SPAG16: variants seen among roughly 807,000 people sequenced by gnomAD.
SPAG16 encodes sperm associated antigen 16.
A neutral mutation model predicts 80.4 loss-of-function variants in SPAG16; 86 were observed. That is an observed-to-expected ratio of 1.07 (90% CI 0.90 to 1.28). The LOEUF is 1.28. Ranked by LOEUF, SPAG16 falls within the 50% of genes most tolerant of loss-of-function variation. The probability of loss-of-function intolerance (pLI) is 0.00; values close to 1 mark genes in which losing one functional copy is unlikely to be tolerated. For missense variants in SPAG16, 870 were observed against 765.3 expected, an observed-to-expected ratio of 1.14 and a Z score of -1.61; for synonymous variants, 294 against 265.9, an observed-to-expected ratio of 1.11 and a Z score of -1.03.
At chr2:213,922,416 C>T (rs1386845421) in intron 11 of SPAG16, among the ~76,000 whole-genome samples, 1 of 152,124 alleles carries the variant, frequency 6.6e-6, no homozygotes, top group African/African-American at 2.4e-5. Context: ...TTTTGACTAT[C>T]AGCTCCTGTA....
chr2:214,178,260 GC>G (rs1386098830), intron 15 of SPAG16, among the ~76,000 whole-genome samples: 1 of 150,506 alleles, frequency 6.6e-6, no homozygotes, highest in Non-Finnish European at 1.5e-5. Context: ...CAAACACTGT[GC>G]TATATTTTTA....
intron 15 of SPAG16, among the ~76,000 whole-genome samples, chr2:214,153,435 T>C (rs1293303551): frequency 1.3e-5 from 2 of 152,192 alleles, no homozygotes; most frequent in Non-Finnish European, 2.9e-5. Context: ...ATCTAAGATC[T>C]ATATCTGGTA....
At chr2:213,655,599 A>C (rs1407902472) in intron 10 of SPAG16, among the ~76,000 whole-genome samples, 1 of 152,162 alleles carries the variant, frequency 6.6e-6, no homozygotes, top group East Asian at 1.9e-4. Context: ...TAACTGAATA[A>C]GGGGCTTCTG....
At chr2:213,664,115 G>C (rs2063518151) in intron 10 of SPAG16, among the ~76,000 whole-genome samples, 1 of 151,988 alleles carries the variant, frequency 6.6e-6, no homozygotes, top group South Asian at 2.1e-4. Flanking sequence ...TTGGCTTATA[G>C]TCCCTGTCAT....
At chr2:214,330,325 C>G (rs1696827630) in intron 15 of SPAG16, among the ~76,000 whole-genome samples, 2 of 150,744 alleles carry the variant, frequency 1.3e-5, no homozygotes, top group South Asian at 2.1e-4. Flanking sequence ...TGGCACGGCA[C>G]AAACACAGCT....
intron 14 of SPAG16, among the ~76,000 whole-genome samples, chr2:214,134,424 T>C (rs1191332479): frequency 6.6e-6 from 1 of 152,246 alleles, no homozygotes; most frequent in Non-Finnish European, 1.5e-5. Flanking sequence ...TCTACATTTT[T>C]AAAAATTCTC....
intron 13 of SPAG16, among the ~76,000 whole-genome samples, chr2:214,074,711 T>C (rs1415059931): frequency 1.3e-5 from 2 of 151,986 alleles, no homozygotes; most frequent in Non-Finnish European, 2.9e-5. Flanking sequence ...CAGTTTTCAA[T>C]TAAAAAACAG....
At chr2:213,524,683 A>C (rs914536302) in intron 10 of SPAG16, among the ~76,000 whole-genome samples, 1 of 152,366 alleles carries the variant, frequency 6.6e-6, no homozygotes. Flanking sequence ...TCGGACTTGC[A>C]TGGGGCATGT....
chr2:214,246,755 T>C (rs1430933470), intron 15 of SPAG16, among the ~76,000 whole-genome samples: 2 of 150,662 alleles, frequency 1.3e-5, no homozygotes, highest in African/African-American at 2.5e-5. Flanking sequence ...TTAAATATAA[T>C]AGAATACTTT....
intron 12 of SPAG16, among the ~76,000 whole-genome samples, chr2:213,951,401 A>G (rs1332377727): frequency 6.6e-6 from 1 of 152,220 alleles, no homozygotes; most frequent in African/African-American, 2.4e-5. Context: ...ATTCAGAGTC[A>G]TAATAGTAAC....
chr2:213,626,051 C>T (rs999717312), intron 10 of SPAG16, among the ~76,000 whole-genome samples: 4 of 151,842 alleles, frequency 2.6e-5, no homozygotes, highest in Non-Finnish European at 1.5e-5. Context: ...TGGAGTTTGT[C>T]CTTTTATATG....
rs561850832 is a variant in SPAG16 at position 213,297,272 on chromosome 2, A to G, written c.194A>G (p.Asp65Gly). The G allele has an allele frequency of 7.4e-6, 12 of 1,611,352 alleles. No homozygotes were observed. In the East Asian group the frequency reaches 1.1e-4, roughly 15 times the overall value. The change falls in exon 3 of 16, where the codon GAC (aspartate) becomes GGC (glycine). Residue 65 changes from aspartate to glycine, a missense_variant. Physicochemically the swap from Asp to Gly is moderately conservative, Grantham distance 94 (BLOSUM62 -1). Coordinates refer to ENST00000331683, the MANE Select transcript of SPAG16 (RefSeq NM_024532.5). ...TTCTCTGTGATCTAGATACCAGATG[A>G]CAATTTTAGCATCCCAGAAGGTGAA... Reference protein sequence around the residue: ...DDYEYEEIPDDNFSIPEGEED... With the variant: ...DDYEYEEIPDGNFSIPEGEED...
chr2:213,402,695 C>T (rs1031662990), intron 9 of SPAG16, among the ~76,000 whole-genome samples: 33 of 151,942 alleles, frequency 2.2e-4, no homozygotes, highest in Non-Finnish European at 4.1e-4. Context: ...TCTGTCCTTG[C>T]GATAGTTTAC....
rs545140640 is a variant in SPAG16 at position 214,012,218 on chromosome 2, G to GTA, written c.1401-1724_1401-1723dup. ...GATTAACTATCTGATTTATACATAT[G>GTA]TATATATATACTTACTTATATATAT... On this transcript the variant is annotated intron_variant, in intron 12 of 15. Transcript: ENST00000331683. 4.1e-3 allele frequency among the ~76,000 whole-genome samples: 462 copies of GTA among 111,834 alleles called. 2 individuals are homozygous for GTA. The highest frequency in any genetic ancestry group is 0.014 in the African/African-American group (446 of 30,868). 73.4% of individuals were successfully genotyped at this position (111,834 alleles called of 152,430 possible).
chr2:213,416,042 G>C (rs2069235302), intron 9 of SPAG16, among the ~76,000 whole-genome samples: 1 of 152,226 alleles, frequency 6.6e-6, no homozygotes, highest in Non-Finnish European at 1.5e-5. Context: ...GGAATCAGTA[G>C]AAGGCCAGAA....
chr2:213,732,076 T>G (rs2067070776), intron 10 of SPAG16, among the ~76,000 whole-genome samples: 1 of 152,240 alleles, frequency 6.6e-6, no homozygotes, highest in South Asian at 2.1e-4. Flanking sequence ...TTATCCATCT[T>G]GAGTTGATTT....
chr2:213,457,268 T>C (rs751435487), intron 9 of SPAG16, among the ~76,000 whole-genome samples: 12 of 152,192 alleles, frequency 7.9e-5, no homozygotes, highest in Non-Finnish European at 1.5e-4. Flanking sequence ...AGCATTTTTT[T>C]CTCAGGTTGC....
At chr2:214,004,649 G>A (rs2046947469) in intron 12 of SPAG16, among the ~76,000 whole-genome samples, 1 of 152,074 alleles carries the variant, frequency 6.6e-6, no homozygotes, top group African/African-American at 2.4e-5. Flanking sequence ...TCAGGTGTGG[G>A]CTGGAGTAGT....
intron 15 of SPAG16, among the ~76,000 whole-genome samples, chr2:214,351,400 G>A (rs1416497694): frequency 1.3e-5 from 2 of 152,178 alleles, no homozygotes; most frequent in Admixed American, 1.3e-4. Flanking sequence ...GTGTGTGTGT[G>A]TGTAAAATAC....
Sources: allele counts gnomAD v4.1 joint callset (sites outside exome capture counted in the v4.1 genomes callset), GRCh38; gene constraint gnomAD v4.1.1; transcripts MANE v1.5; gene names NCBI Gene and HGNC (gene_info 2026-07-23, HGNC 2026-07-21).